The following FOXP2 variants were observed in gnomAD, a reference collection of about 807,000 sequenced individuals.
The protein encoded by FOXP2 is forkhead box P2.
In FOXP2, 12 loss-of-function variants were observed where a neutral mutation model predicts 115.8. That is an observed-to-expected ratio of 0.10 (90% confidence interval 0.07 to 0.17). The LOEUF (loss-of-function observed/expected upper bound fraction) is 0.17. FOXP2 is among the 10% of genes least tolerant of loss of function. The pLI is 1.00. For synonymous variants in FOXP2, 328 were observed against 297.7 expected (o/e 1.10, Z -1.05); for missense variants, 629 against 843.5 (o/e 0.75, Z 3.15).
rs142324514 is a variant in FOXP2 at position 114,503,625 on chromosome 7, T to A, written c.169-30992T>A. Among the ~76,000 whole-genome samples the A allele has an allele frequency of 1.9e-3, 287 of 150,996 alleles. 1 individual carries two copies. The highest frequency in any genetic ancestry group is 6.7e-3 in the African/African-American group (276 of 41,464). ...GGAATTATTATTTAATATAATTATT[T>A]AATATAATTTACTTTGTTGGAATTT... On this transcript the variant is annotated intron_variant, in intron 2 of 16. Coordinates refer to ENST00000350908, the MANE Select transcript of FOXP2 (RefSeq NM_014491.4).
chr7:114,307,419 C>T (rs1431309784), intron 2 of FOXP2, among the ~76,000 whole-genome samples: 1 of 152,078 alleles, frequency 6.6e-6, no homozygotes, highest in African/African-American at 2.4e-5. Flanking sequence ...GCACAATGGA[C>T]TTTAAACAGA....
At chr7:114,516,214 A>G (rs1798334897) in intron 2 of FOXP2, among the ~76,000 whole-genome samples, 1 of 152,320 alleles carries the variant, frequency 6.6e-6, no homozygotes, top group East Asian at 1.9e-4. Flanking sequence ...AAACAGAGAT[A>G]TAGATCAATG....
chr7:114,344,960 A>G (rs1439040685), intron 2 of FOXP2, among the ~76,000 whole-genome samples: 3 of 151,840 alleles, frequency 2.0e-5, no homozygotes. Flanking sequence ...AAATTTATTT[A>G]TAAAAAAGTG....
chr7:114,598,563 C>T (rs1385272373), intron 3 of FOXP2, among the ~76,000 whole-genome samples: 1 of 151,850 alleles, frequency 6.6e-6, no homozygotes, highest in African/African-American at 2.4e-5. Context: ...ATATTCATTA[C>T]TTAATGACAT....
In FOXP2 at chr7:114,189,669, T is replaced by C. The variant is rs570098436; in HGVS notation, c.-102+26581T>C. Among the ~76,000 whole-genome samples, 212 of 152,262 alleles carry C rather than the reference T, an allele frequency of 1.4e-3. 1 individual carries two copies. The South Asian group carries it at 0.016, about 12-fold the overall frequency. On this transcript the variant is annotated intron_variant, in intron 1 of 17. Transcript: ENST00000634411. ...ACAGTAATATATAGTTAATATATAG[T>C]TTATACCTTGATCATTATTTGGGAG...
chr7:114,503,735 C>T (rs892826227), intron 2 of FOXP2, among the ~76,000 whole-genome samples: 1 of 151,218 alleles, frequency 6.6e-6, no homozygotes, highest in Non-Finnish European at 1.5e-5. Context: ...ATCTGGACCT[C>T]AATATGAACT....
intron 2 of FOXP2, among the ~76,000 whole-genome samples, chr7:114,497,548 C>T (rs1392570824): frequency 3.9e-5 from 6 of 152,092 alleles, no homozygotes. Flanking sequence ...ACTATGGAGG[C>T]TGAGGCAGGA....
chr7:114,403,334 A>G (rs550528558), intron 2 of FOXP2, among the ~76,000 whole-genome samples: 1 of 152,040 alleles, frequency 6.6e-6, no homozygotes, highest in Non-Finnish European at 1.5e-5. Flanking sequence ...AATTTTTTGT[A>G]TGTCAGAATT....
At chr7:114,122,147 C>T (rs1791583273) in intron 1 of FOXP2, among the ~76,000 whole-genome samples, 1 of 150,556 alleles carries the variant, frequency 6.6e-6, no homozygotes, top group African/African-American at 2.5e-5. Context: ...TTTTTCTTGG[C>T]ATAAAACACT....
intron 1 of FOXP2, among the ~76,000 whole-genome samples, chr7:114,154,600 A>G (rs1223331365): frequency 6.6e-6 from 1 of 152,150 alleles, no homozygotes; most frequent in Non-Finnish European, 1.5e-5. Context: ...TGTGAACTTC[A>G]AAGTGTTATA....
chr7:114,102,696 C>CCACACACA lies in FOXP2; in HGVS notation c.-247+14888_-247+14895dup, dbSNP rs10624558. The stretch of plus-strand genomic sequence containing the variant: ...GCTACACACATACAAACACCACACA[C>CCACACACA]CACACACACACACACACACACACAC... On this transcript the variant is annotated intron_variant, in intron 1 of 19. Coordinates refer to the FOXP2 transcript ENST00000635638. Among the ~76,000 whole-genome samples, 1,204 of 136,456 alleles carry CCACACACA rather than the reference C, an allele frequency of 8.8e-3. 11 individuals are homozygous for CCACACACA. Among genetic ancestry groups the CCACACACA allele is most frequent in the African/African-American group, 0.02 (747 of 37,360 alleles). 89.5% of individuals were successfully genotyped at this position (136,456 alleles called of 152,430 possible).
intron 3 of FOXP2, among the ~76,000 whole-genome samples, chr7:114,573,395 A>C (rs1357299881): frequency 6.6e-6 from 1 of 151,764 alleles, no homozygotes; most frequent in East Asian, 1.9e-4. Flanking sequence ...TATTCATTGC[A>C]TTTATAAGTA....
At chr7:114,315,436 T>A (rs949476709) in intron 2 of FOXP2, among the ~76,000 whole-genome samples, 5 of 152,178 alleles carry the variant, frequency 3.3e-5, no homozygotes, top group Admixed American at 2.0e-4. Context: ...CCTCTGTTAT[T>A]CAATCATTTC....
At chr7:114,492,930 G>T (rs180895882) in intron 2 of FOXP2, among the ~76,000 whole-genome samples, 4 of 152,082 alleles carry the variant, frequency 2.6e-5, no homozygotes, top group African/African-American at 9.7e-5. Flanking sequence ...TATTAAGTCC[G>T]CTTGGTGCAG....
chr7:114,249,279 C>T (rs1795370688), intron 1 of FOXP2, among the ~76,000 whole-genome samples: 1 of 152,024 alleles, frequency 6.6e-6, no homozygotes, highest in Non-Finnish European at 1.5e-5. Flanking sequence ...TAAACGTGTG[C>T]CATGGTGGTT....
At chr7:114,670,989 A>G (rs958053927) in intron 16 of FOXP2, among the ~76,000 whole-genome samples, 1 of 151,764 alleles carries the variant, frequency 6.6e-6, no homozygotes, top group African/African-American at 2.4e-5. Flanking sequence ...TGCCTCACAT[A>G]TGTTTTCATA....
intron 1 of FOXP2, among the ~76,000 whole-genome samples, chr7:114,274,487 T>C (rs1192886634): frequency 6.6e-6 from 1 of 152,080 alleles, no homozygotes; most frequent in Non-Finnish European, 1.5e-5. Context: ...GGAAGGCAGG[T>C]CTACTGGAAA....
At chr7:114,486,072 C>G (rs879866698) in intron 2 of FOXP2, among the ~76,000 whole-genome samples, 7 of 152,084 alleles carry the variant, frequency 4.6e-5, no homozygotes, top group Non-Finnish European at 1.0e-4. Flanking sequence ...TATTTTGAAC[C>G]ATACAAATGT....
At chr7:114,233,753 C>G (rs1033242447) in intron 1 of FOXP2, among the ~76,000 whole-genome samples, 3 of 152,218 alleles carry the variant, frequency 2.0e-5, no homozygotes, top group Non-Finnish European at 4.4e-5. Context: ...TGGCTCACGC[C>G]TGTAATCCCA....
Sources: allele counts gnomAD v4.1 joint callset (sites outside exome capture counted in the v4.1 genomes callset), GRCh38; gene constraint gnomAD v4.1.1; transcripts MANE v1.5; gene names NCBI Gene and HGNC (gene_info 2026-07-23, HGNC 2026-07-21).